Variants in PLPP1 observed in about 807,000 individuals in gnomAD.
The protein encoded by PLPP1 is lipid phosphate phosphohydrolase 1a.
In PLPP1, 24 loss-of-function variants were observed where a neutral mutation model predicts 31.2. The ratio of observed to expected loss-of-function variants is 0.77; its 90% CI spans 0.56 to 1.08. The LOEUF (loss-of-function observed/expected upper bound fraction) is 1.08. Ranked by LOEUF, PLPP1 falls within the 50% of genes least tolerant of loss-of-function variation. The probability of loss-of-function intolerance (pLI) is 0.00; values close to 1 mark genes in which losing one functional copy is unlikely to be tolerated. For synonymous variants in PLPP1, 146 were observed against 126.3 expected, an observed-to-expected ratio of 1.16 and a Z score of -1.05; for missense variants, 319 against 342.7, an observed-to-expected ratio of 0.93 and a Z score of 0.55.
chr5:55,525,663 T>A (rs1382886398), intron 1 of PLPP1, among the ~76,000 whole-genome samples: 1 of 151,798 alleles, frequency 6.6e-6, no homozygotes, highest in Non-Finnish European at 1.5e-5. Context: ...TTCAGTTGAG[T>A]AAAAAGGCAA....
chr5:55,458,785 G>T (rs933354989), intron 3 of PLPP1, among the ~76,000 whole-genome samples: 1 of 149,800 alleles, frequency 6.7e-6, no homozygotes, highest in African/African-American at 2.4e-5. Flanking sequence ...CTACTCGGGA[G>T]GCTGAAGTGG....
intron 1 of PLPP1, among the ~76,000 whole-genome samples, chr5:55,533,855 A>G (rs1740772558): frequency 1.3e-5 from 2 of 152,218 alleles, no homozygotes; most frequent in Non-Finnish European, 2.9e-5. Context: ...AAGCCTCATA[A>G]CTGAACTCTT....
chr5:55,504,814 C>CT lies in PLPP1; in HGVS notation c.59-29365dup, dbSNP rs1170388009. On this transcript the variant is annotated intron_variant, in intron 1 of 5. Coordinates refer to ENST00000307259, the MANE Select transcript of PLPP1 (RefSeq NM_003711.4). ...ATTTCCACTTTTTCCCCTAACTTTC[C>CT]TTTTTTTTTTTTTTTTGAGAGTGTT... Among the ~76,000 whole-genome samples the CT allele has an allele frequency of 7.5e-3, 1,037 of 137,974 alleles. 5 individuals are homozygous for CT. Among genetic ancestry groups the CT allele is most frequent in the African/African-American group, 0.015 (565 of 37,534 alleles). 90.5% of individuals were successfully genotyped at this position (137,974 alleles called of 152,430 possible).
intron 3 of PLPP1, among the ~76,000 whole-genome samples, chr5:55,443,074 G>T (rs11956676): frequency 0.86 from 129,538 of 150,712 alleles, 56,067 homozygotes; most frequent in South Asian, 0.92. Flanking sequence ...GGGAGACGTT[G>T]GTTCCCTGAA....
At position 55,475,307 on chromosome 5, in the gene PLPP1, T is replaced by C. The variant is rs145579231; in HGVS notation, c.202A>G (p.Ile68Val). ...LLGGIIIPFS[I>V]IVIILGETLS... ...AAGTGGATTTAACTTACAACGATAA[T>C]ACTGAATGGAATGATTATTCCACCT... Residue 68 changes from isoleucine (I) to valine (V), a missense_variant, in exon 2 of 6, where the codon ATT (isoleucine) becomes GTT (valine). Coordinates refer to ENST00000307259, the MANE Select transcript of PLPP1 (RefSeq NM_003711.4). 7 of 1,607,752 alleles carry C rather than the reference T, an allele frequency of 4.4e-6. No individual in the cohort carries two copies. In the African/African-American group the frequency reaches 9.4e-5, roughly 22 times the overall value.
intron 1 of PLPP1, chr5:55,491,190 G>A: frequency 6.8e-7 from 1 of 1,479,678 alleles, no homozygotes; most frequent in South Asian, 1.3e-5. Flanking sequence ...CTACTGAATG[G>A]GATGCAAATC....
intron 1 of PLPP1, among the ~76,000 whole-genome samples, chr5:55,488,299 TA>T (rs1752816391): frequency 1.3e-5 from 2 of 149,330 alleles, no homozygotes; most frequent in Admixed American, 6.7e-5. Context: ...TAAAGATAAG[TA>T]AAAAAACAAA....
intron 1 of PLPP1, among the ~76,000 whole-genome samples, chr5:55,488,247 C>T (rs2111844103): frequency 6.6e-6 from 1 of 150,742 alleles, no homozygotes; most frequent in East Asian, 1.9e-4. Flanking sequence ...ATTTAAGCTG[C>T]TTGATATTAT....
At chr5:55,460,054 G>A (rs908698948) in intron 3 of PLPP1, among the ~76,000 whole-genome samples, 1 of 152,132 alleles carries the variant, frequency 6.6e-6, no homozygotes. Flanking sequence ...GACTGTTTAC[G>A]TTATTAAGGC....
chr5:55,477,998 A>G (rs527541942), intron 1 of PLPP1, among the ~76,000 whole-genome samples: 1 of 151,800 alleles, frequency 6.6e-6, no homozygotes, highest in East Asian at 1.9e-4. Context: ...AAAAAGAAAG[A>G]AAGAAAGAAA....
chr5:55,440,261 G>A (rs1751591831), intron 4 of PLPP1, among the ~76,000 whole-genome samples: 1 of 152,088 alleles, frequency 6.6e-6, no homozygotes, highest in Non-Finnish European at 1.5e-5. Context: ...GTCTAGCCCA[G>A]GGCATACAAA....
intron 3 of PLPP1, among the ~76,000 whole-genome samples, chr5:55,458,939 A>C (rs189101706): frequency 2.0e-5 from 3 of 150,498 alleles, no homozygotes; most frequent in East Asian, 3.9e-4. Context: ...TGGCAGAAAA[A>C]TCCAGCCATA....
intron 3 of PLPP1, among the ~76,000 whole-genome samples, chr5:55,462,898 G>C (rs191731784): frequency 6.6e-6 from 1 of 151,956 alleles, no homozygotes. Flanking sequence ...GCGTGAACCC[G>C]GGAGGCGAAG....
Position 55,529,255 on chromosome 5 carries a change from A to G in PLPP1, c.58+5317T>C, listed in dbSNP as rs572829632. ...AAACTGCATACACACATACGTGTATATATACACACAAAAGTATATATATAT... is the reference window on the plus strand; with the variant it reads ...AAACTGCATACACACATACGTGTATGTATACACACAAAAGTATATATATAT... On this transcript the variant is annotated intron_variant, in intron 1 of 5. Transcript: ENST00000307259. Among the ~76,000 whole-genome samples the G allele has an allele frequency of 6.6e-5, 6 of 91,210 alleles. No homozygotes were observed. The South Asian group carries it at 2.7e-3, about 41-fold the overall frequency. 59.8% of individuals were successfully genotyped at this position (91,210 alleles called of 152,430 possible). A position where few individuals can be genotyped will look rare whatever the true frequency, so the allele number is the denominator to read the frequency against.
intron 1 of PLPP1, among the ~76,000 whole-genome samples, chr5:55,509,468 T>C (rs1230857766): frequency 6.6e-6 from 1 of 152,222 alleles, no homozygotes; most frequent in East Asian, 1.9e-4. Flanking sequence ...GGTTTTATTA[T>C]AAAAAGTTCT....
chr5:55,531,676 A>T (rs1040356380), intron 1 of PLPP1, among the ~76,000 whole-genome samples: 3 of 152,232 alleles, frequency 2.0e-5, no homozygotes, highest in African/African-American at 7.2e-5. Flanking sequence ...TTAGGCTACC[A>T]ATCTCCTGCT....
intron 1 of PLPP1, among the ~76,000 whole-genome samples, chr5:55,514,357 C>T (rs1192484445): frequency 6.6e-6 from 1 of 150,718 alleles, no homozygotes; most frequent in African/African-American, 2.4e-5. Flanking sequence ...CTGCACTCCA[C>T]CCTGAACAAC....
At chr5:55,433,861 G>A (rs938281021) in intron 4 of PLPP1, among the ~76,000 whole-genome samples, 3 of 151,906 alleles carry the variant, frequency 2.0e-5, no homozygotes, top group Non-Finnish European at 4.4e-5. Flanking sequence ...GTCAGGCCTG[G>A]CATTGTGGCT....
Position 55,534,718 on chromosome 5 carries a change from T to C in PLPP1, c.-89A>G. Reference sequence around the variant, plus strand: ...TTGATTCTCGAGCCCGGGCCGGGGCTGGCGACGGCCCCGAGCTACGGCCCC... The same window carrying C: ...TTGATTCTCGAGCCCGGGCCGGGGCCGGCGACGGCCCCGAGCTACGGCCCC... On this transcript the variant is annotated 5_prime_UTR_variant, in exon 1 of 6. Transcript: ENST00000307259. 7.4e-7 allele frequency: 1 copy of C among 1,357,288 alleles called. No homozygotes were observed. The highest frequency in any genetic ancestry group is 1.3e-5 in the South Asian group (1 of 74,244). 84.1% of individuals were successfully genotyped at this position (1,357,288 alleles called of 1,614,324 possible).
Sources: gnomAD v4.1 joint callset for allele counts (sites outside exome capture counted in the v4.1 genomes callset) on GRCh38, gnomAD v4.1.1 for gene constraint, MANE v1.5 for transcripts, NCBI Gene and HGNC (gene_info 2026-07-23, HGNC 2026-07-21) for gene names.